Variants in ATP9B observed in about 807,000 individuals in gnomAD.
ATP9B encodes the protein probable phospholipid-transporting ATPase IIB.
ATP9B carries 110 observed loss-of-function variants against 146.1 expected under a neutral mutation model. The ratio of observed to expected loss-of-function variants is 0.75; its 90% CI spans 0.65 to 0.88. The LOEUF (loss-of-function observed/expected upper bound fraction) is 0.88. Among genes scored for constraint, ATP9B ranks in the 40% least tolerant of loss-of-function variants. The pLI, the probability that ATP9B is intolerant of heterozygous loss-of-function variation, is 0.00. For missense variants in ATP9B, 1,499 were observed against 1,496.4 expected, an observed-to-expected ratio of 1.00 and a Z score of -0.03; for synonymous variants, 604 against 569.7, an observed-to-expected ratio of 1.06 and a Z score of -0.86.
intron 17 of ATP9B, among the ~76,000 whole-genome samples, chr18:79,333,163 T>A (rs547801321): frequency 3.3e-5 from 5 of 152,328 alleles, no homozygotes; most frequent in African/African-American, 1.2e-4. Context: ...GGGGCCGTGA[T>A]GTGTTTCCAA....
chr18:79,363,108 C>T (rs1373119223), intron 26 of ATP9B: 1 of 152,194 alleles, frequency 6.6e-6, no homozygotes, highest in African/African-American at 2.4e-5. Context: ...GGAATCCACA[C>T]ACATACAACC....
chr18:79,121,543 G>A (rs888812237), intron 4 of ATP9B, among the ~76,000 whole-genome samples: 5 of 152,118 alleles, frequency 3.3e-5, no homozygotes, highest in Admixed American at 6.6e-5. Flanking sequence ...AAACTCTTAC[G>A]GGTAGAGGCT....
chr18:79,238,535 C>G (rs1376208479), intron 11 of ATP9B, among the ~76,000 whole-genome samples: 1 of 152,162 alleles, frequency 6.6e-6, no homozygotes, highest in Non-Finnish European at 1.5e-5. Flanking sequence ...ACTCCCTGGT[C>G]TTGGGAGGGT....
intron 26 of ATP9B, chr18:79,362,550 T>C (rs1285646566): frequency 1.3e-5 from 2 of 152,266 alleles, no homozygotes; most frequent in Non-Finnish European, 2.9e-5. Context: ...TTCAGGCACT[T>C]AATTTTCTGG....
At chr18:79,200,212 A>G (rs1381491031) in intron 9 of ATP9B, among the ~76,000 whole-genome samples, 1 of 152,196 alleles carries the variant, frequency 6.6e-6, no homozygotes, top group African/African-American at 2.4e-5. Flanking sequence ...TGTGGTAGGA[A>G]TGCTTCATCT....
intron 17 of ATP9B, 130 bp downstream of exon 17, chr18:79,330,234 C>G (rs759888737): frequency 5.5e-5 from 45 of 822,542 alleles, no homozygotes; most frequent in Non-Finnish European, 8.7e-5. Flanking sequence ...TATCCTTTCC[C>G]CAGCTTGCAG....
At chr18:79,227,603 A>G (rs1375858988) in intron 11 of ATP9B, among the ~76,000 whole-genome samples, 2 of 152,124 alleles carry the variant, frequency 1.3e-5, no homozygotes, top group Admixed American at 6.5e-5. Flanking sequence ...ACAGTGAGAA[A>G]CGGATTTATC....
At chr18:79,279,092 A>C (rs1284886641) in intron 13 of ATP9B, among the ~76,000 whole-genome samples, 1 of 152,188 alleles carries the variant, frequency 6.6e-6, no homozygotes, top group Admixed American at 6.5e-5. Flanking sequence ...ACGGGAAGCC[A>C]TCAGGCCACC....
At chr18:79,303,557 G>T in intron 13 of ATP9B, 47 bp from the exon 14 acceptor site, 1 of 1,511,340 alleles carries the variant, frequency 6.6e-7, no homozygotes, top group Non-Finnish European at 9.2e-7. Flanking sequence ...GGGTGTTCCC[G>T]CAGGCCTCCT....
At position 79,110,383 on chromosome 18, in the gene ATP9B, C is replaced by T. The variant is rs147862156; in HGVS notation, c.322C>T (p.Arg108Ter). The T allele has an allele frequency of 3.1e-6, 5 of 1,603,870 alleles. No individual in the cohort carries two copies. The highest frequency in any genetic ancestry group is 2.2e-5 in the East Asian group (1 of 44,524). ...CTGTGGTTGGCTGATAAATATTTGT[C>T]GAAGAAAGAAAGAGCTGAAAGCTCG... Reference protein sequence around the residue: ...SCCGWLINICRRKKELKARTV... With the variant: ...SCCGWLINIC Residue 108 changes from arginine to a stop codon, truncating the protein, a stop_gained, in exon 3 of 30, where the codon CGA becomes TGA. Transcript: ENST00000426216. LOFTEE classifies it high-confidence loss of function.
chr18:79,192,450 A>G (rs568136016), intron 8 of ATP9B, among the ~76,000 whole-genome samples: 5 of 152,300 alleles, frequency 3.3e-5, no homozygotes, highest in African/African-American at 9.6e-5. Context: ...GCAAAAGCAT[A>G]CAGCAGAGTC....
intron 25 of ATP9B, chr18:79,352,554 C>G (rs1309297042): frequency 1.3e-5 from 2 of 152,242 alleles, no homozygotes; most frequent in African/African-American, 2.4e-5. Flanking sequence ...AAACAACTCT[C>G]CCACATCTAG....
chr18:79,286,140 T>A (rs1308094593), intron 13 of ATP9B, among the ~76,000 whole-genome samples: 1 of 150,046 alleles, frequency 6.7e-6, no homozygotes, highest in Non-Finnish European at 1.5e-5. Flanking sequence ...AGTAGTTTTT[T>A]CCAATTCTGT....
intron 11 of ATP9B, among the ~76,000 whole-genome samples, chr18:79,240,903 C>T (rs189372327): frequency 2.0e-5 from 3 of 152,270 alleles, no homozygotes; most frequent in East Asian, 1.9e-4. Context: ...GGGAGCTGCT[C>T]GGTCTCCAAG....
intron 11 of ATP9B, among the ~76,000 whole-genome samples, chr18:79,231,563 A>G (rs192333943): frequency 1.4e-4 from 22 of 152,230 alleles, no homozygotes; most frequent in Admixed American, 1.0e-3. Context: ...TACAACCACT[A>G]TGGAAAACAG....
chr18:79,113,102 A>G (rs953156177), intron 3 of ATP9B, 139 bp from the exon 4 acceptor site: 2 of 516,636 alleles, frequency 3.9e-6, no homozygotes, highest in Non-Finnish European at 6.8e-6. Flanking sequence ...GAAAATTAAT[A>G]CATTTACTTT....
chr18:79,243,746 G>A (rs2095912388), intron 11 of ATP9B, among the ~76,000 whole-genome samples: 1 of 152,208 alleles, frequency 6.6e-6, no homozygotes, highest in Non-Finnish European at 1.5e-5. Flanking sequence ...GATACTGTTA[G>A]AAGAACAATT....
intron 12 of ATP9B, among the ~76,000 whole-genome samples, chr18:79,269,989 T>C (rs1175848925): frequency 6.6e-6 from 1 of 152,252 alleles, no homozygotes; most frequent in Non-Finnish European, 1.5e-5. Context: ...TTGCGGCCTT[T>C]AGCCGGCTCC....
In ATP9B at chr18:79,377,822, G is replaced by A. The variant is rs554810272; in HGVS notation, c.*439G>A. ...CGGGATGGCCCCTCCCTCTCAGTGC[G>A]GGAACGTCACCCCTGCCAGGCAAGC... On this transcript the variant is annotated 3_prime_UTR_variant, in exon 30 of 30. Transcript: ENST00000426216. 8.9e-4 allele frequency: 116 copies of A among 130,658 alleles called. No homozygotes were observed. Among genetic ancestry groups the A allele is most frequent in the Non-Finnish European group, 1.4e-3 (88 of 63,216 alleles). The allele number at this position is 130,658 out of a possible 1,614,324, so 8.1% of individuals were successfully genotyped here. A position where few individuals can be genotyped will look rare whatever the true frequency, so the allele number is the denominator to read the frequency against.
Sources: gnomAD v4.1 joint callset for allele counts (sites outside exome capture counted in the v4.1 genomes callset) on GRCh38, gnomAD v4.1.1 for gene constraint, MANE v1.5 for transcripts, NCBI Gene and HGNC (gene_info 2026-07-23, HGNC 2026-07-21) for gene names.